Variants in FAM117B observed in about 807,000 individuals in gnomAD.
FAM117B encodes the protein protein FAM117B.
A neutral mutation model predicts 52.8 loss-of-function variants in FAM117B; 22 were observed. The observed-to-expected ratio is 0.42, with a 90% CI of 0.30 to 0.59. FAM117B has a LOEUF of 0.59. Ranked by LOEUF, FAM117B falls within the 20% of genes least tolerant of loss-of-function variation. FAM117B has a pLI of 0.22. For synonymous variants in FAM117B, 309 were observed against 324.1 expected, an observed-to-expected ratio of 0.95 and a Z score of 0.50; for missense variants, 678 against 802.6, an observed-to-expected ratio of 0.84 and a Z score of 1.88.
chr2:202,762,863 A>C, intron 7 of FAM117B, among the ~76,000 whole-genome samples: 1 of 152,050 alleles, frequency 6.6e-6, no homozygotes, highest in East Asian at 1.9e-4. Context: ...CTGATCAGTT[A>C]GACAAGTTAT....
chr2:202,685,966 C>T (rs779092527), intron 1 of FAM117B, among the ~76,000 whole-genome samples: 3 of 152,124 alleles, frequency 2.0e-5, no homozygotes, highest in Non-Finnish European at 4.4e-5. Flanking sequence ...ATTCGAAAGG[C>T]ACCATTAAAA....
chr2:202,714,444 T>C (rs898671777), intron 2 of FAM117B, among the ~76,000 whole-genome samples: 1 of 149,586 alleles, frequency 6.7e-6, no homozygotes, highest in Non-Finnish European at 1.5e-5. Context: ...GGTCCATCTC[T>C]ATTTAGATCT....
intron 1 of FAM117B, among the ~76,000 whole-genome samples, chr2:202,676,388 T>C (rs1661870718): frequency 6.6e-6 from 1 of 151,826 alleles, no homozygotes; most frequent in Non-Finnish European, 1.5e-5. Context: ...TTTTTTTTTT[T>C]TTTCTTTTGA....
chr2:202,710,311 AG>A (rs1399202343), intron 2 of FAM117B, among the ~76,000 whole-genome samples: 2 of 151,886 alleles, frequency 1.3e-5, no homozygotes, highest in African/African-American at 4.8e-5. Flanking sequence ...AATGTTTTTT[AG>A]TTTTCTGTAT....
intron 1 of FAM117B, among the ~76,000 whole-genome samples, chr2:202,637,873 CTT>C (rs556979899): frequency 9.5e-4 from 124 of 130,672 alleles, no homozygotes; most frequent in East Asian, 1.3e-3. Context: ...AGTTAGGTAA[CTT>C]TTTTTTTTTT....
At chr2:202,642,708 A>G (rs185928382) in intron 1 of FAM117B, among the ~76,000 whole-genome samples, 81 of 152,264 alleles carry the variant, frequency 5.3e-4, no homozygotes, top group African/African-American at 1.7e-3. Flanking sequence ...AAAAATTAGG[A>G]CTCATTTATT....
intron 6 of FAM117B, among the ~76,000 whole-genome samples, chr2:202,758,955 G>A (rs1466155211): frequency 6.6e-6 from 1 of 152,202 alleles, no homozygotes; most frequent in African/African-American, 2.4e-5. Context: ...TAGTGTTTGA[G>A]TGCATTTGTT....
chr2:202,683,164 C>G lies in FAM117B; in HGVS notation c.602-12717C>G, dbSNP rs143552181. Among the ~76,000 whole-genome samples, 209 of 152,204 alleles carry G rather than the reference C, an allele frequency of 1.4e-3. 5 individuals carry two copies. In the East Asian group the frequency reaches 0.04, roughly 29 times the overall value. The stretch of plus-strand genomic sequence containing the variant: ...CTAGCAAGGTGAAACCCCATCTCTG[C>G]TAAAAACACAAAAATTAGCCGGGCG... On this transcript the variant is annotated intron_variant, in intron 1 of 7. Transcript: ENST00000392238.
chr2:202,751,584 G>A (rs1410773774), intron 4 of FAM117B, among the ~76,000 whole-genome samples: 5 of 151,932 alleles, frequency 3.3e-5, no homozygotes, highest in East Asian at 3.9e-4. Context: ...CCAGGCCAAC[G>A]TTGCGAAACC....
At chr2:202,674,302 A>G (rs1402585910) in intron 1 of FAM117B, among the ~76,000 whole-genome samples, 1 of 152,216 alleles carries the variant, frequency 6.6e-6, no homozygotes, top group Admixed American at 6.5e-5. Context: ...AACTTGTGGA[A>G]CACATAATAA....
intron 1 of FAM117B, among the ~76,000 whole-genome samples, chr2:202,655,043 C>T (rs1690031285): frequency 6.6e-6 from 1 of 151,718 alleles, no homozygotes; most frequent in Admixed American, 6.6e-5. Context: ...TAATTTAATG[C>T]TTTTTCTGGA....
chr2:202,762,484 T>C (rs1353853431), intron 7 of FAM117B, among the ~76,000 whole-genome samples: 4 of 152,244 alleles, frequency 2.6e-5, no homozygotes, highest in Non-Finnish European at 1.5e-5. Flanking sequence ...TTCTTACACA[T>C]TATGGCTTCT....
chr2:202,744,790 A>G (rs898091422), intron 4 of FAM117B, among the ~76,000 whole-genome samples: 1 of 151,962 alleles, frequency 6.6e-6, no homozygotes, highest in Non-Finnish European at 1.5e-5. Context: ...CCTGGCCAAC[A>G]TGGCAAAACC....
At chr2:202,764,005 C>T (rs940235573) in intron 7 of FAM117B, among the ~76,000 whole-genome samples, 3 of 152,278 alleles carry the variant, frequency 2.0e-5, no homozygotes, top group South Asian at 2.1e-4. Flanking sequence ...TCTCTTGTGG[C>T]GGTCTTAACC....
intron 2 of FAM117B, among the ~76,000 whole-genome samples, chr2:202,722,274 T>C (rs892681034): frequency 3.9e-5 from 6 of 152,100 alleles, no homozygotes; most frequent in Non-Finnish European, 5.9e-5. Context: ...CCTCCTGGGA[T>C]TACAGGCATG....
intron 4 of FAM117B, among the ~76,000 whole-genome samples, chr2:202,737,486 CT>C (rs754912847): frequency 1.3e-5 from 2 of 152,152 alleles, no homozygotes; most frequent in Non-Finnish European, 2.9e-5. Context: ...CTAACCCTCT[CT>C]TTTTGGGAAT....
At chr2:202,708,047 G>A (rs2105781106) in intron 2 of FAM117B, among the ~76,000 whole-genome samples, 1 of 152,268 alleles carries the variant, frequency 6.6e-6, no homozygotes, top group East Asian at 1.9e-4. Context: ...TGGGATTACA[G>A]GCATAAGCCA....
intron 4 of FAM117B, among the ~76,000 whole-genome samples, chr2:202,750,511 TCAAA>T (rs1691705783): frequency 6.6e-6 from 1 of 152,136 alleles, no homozygotes; most frequent in Admixed American, 6.6e-5. Flanking sequence ...AGACCCTGTC[TCAAA>T]CAACAACAAC....
intron 1 of FAM117B, among the ~76,000 whole-genome samples, chr2:202,669,430 A>G (rs1690257668): frequency 6.6e-6 from 1 of 152,154 alleles, no homozygotes; most frequent in Admixed American, 6.5e-5. Context: ...TTATTACCTG[A>G]GTGCAATAAA....
Sources: allele counts gnomAD v4.1 joint callset (sites outside exome capture counted in the v4.1 genomes callset), GRCh38; gene constraint gnomAD v4.1.1; transcripts MANE v1.5; gene names NCBI Gene and HGNC (gene_info 2026-07-23, HGNC 2026-07-21).